COL21A1: variants seen among roughly 807,000 people sequenced by gnomAD.
COL21A1 encodes collagen alpha-1(XXI) chain.
In COL21A1, 149 loss-of-function variants were observed where a neutral mutation model predicts 137.9. That is an observed-to-expected ratio of 1.08 (90% CI 0.95 to 1.24). The LOEUF (loss-of-function observed/expected upper bound fraction) is 1.24. Ranked by LOEUF, COL21A1 falls within the 50% of genes most tolerant of loss-of-function variation. The pLI is 0.00. For synonymous variants in COL21A1, 456 were observed against 391.5 expected, an observed-to-expected ratio of 1.16 and a Z score of -1.95; for missense variants, 1,167 against 1,158.4, an observed-to-expected ratio of 1.01 and a Z score of -0.11.
At chr6:56,178,951 A>G (rs555835312) in intron 3 of COL21A1, among the ~76,000 whole-genome samples, 1 of 152,238 alleles carries the variant, frequency 6.6e-6, no homozygotes, top group East Asian at 1.9e-4. Context: ...TATGTACAAG[A>G]ATATTCATTT....
rs1765458557 is a variant in COL21A1, at chr6:56,057,799, T to C, written c.2732A>G (p.Asp911Gly). 6.3e-7 allele frequency: 1 copy of C among 1,599,150 alleles called. No homozygotes were observed. Among genetic ancestry groups the C allele is most frequent in the African/African-American group, 1.3e-5 (1 of 74,212 alleles). ...TCCATCTTTGCCAGGGAGACCTGGGTCTCCTGGAGGACCTTCTTTGCTTAT... is the reference window on the plus strand; with the variant it reads ...TCCATCTTTGCCAGGGAGACCTGGGCCTCCTGGAGGACCTTCTTTGCTTAT... ...PGISKEGPPG[D>G]PGLPGKDGDH... Residue 911 changes from aspartate to glycine, a missense_variant, in exon 30 of 30, where the codon GAC becomes GGC. Asp to Gly is a moderately conservative substitution (Grantham distance 94, BLOSUM62 -1). Transcript: ENST00000244728.
At chr6:56,344,712 G>A (rs899915731) in intron 1 of COL21A1, among the ~76,000 whole-genome samples, 3 of 150,092 alleles carry the variant, frequency 2.0e-5, no homozygotes, top group Non-Finnish European at 4.5e-5. Context: ...CTGGGTCATG[G>A]GGGCAGATTT....
intron 1 of COL21A1, among the ~76,000 whole-genome samples, chr6:56,257,287 T>C (rs374195707): frequency 9.8e-5 from 15 of 152,310 alleles, no homozygotes; most frequent in African/African-American, 3.6e-4. Context: ...AGGAAAATAT[T>C]TGTAGCTCTC....
chr6:56,356,456 A>G lies in COL21A1; in HGVS notation c.-39+37515T>C, dbSNP rs1221854607. Among the ~76,000 whole-genome samples the G allele has an allele frequency of 3.3e-5, 5 of 152,318 alleles. No homozygotes were observed. In the East Asian group the frequency reaches 7.7e-4, roughly 23 times the overall value. On this transcript the variant is annotated intron_variant, in intron 1 of 28. Transcript: ENST00000370819. ...CTGCCCCCCAAAGAGACAAAAAGATATTACTTCTACCCAATGTCTTCACAT... is the reference window on the plus strand; with the variant it reads ...CTGCCCCCCAAAGAGACAAAAAGATGTTACTTCTACCCAATGTCTTCACAT...
At chr6:56,368,176 A>G (rs1562074563) in intron 1 of COL21A1, among the ~76,000 whole-genome samples, 2 of 152,216 alleles carry the variant, frequency 1.3e-5, no homozygotes, top group African/African-American at 2.4e-5. Context: ...TCAACTAAGC[A>G]GGGGGGTATT....
intron 12 of COL21A1, among the ~76,000 whole-genome samples, chr6:56,132,690 T>G (rs1031997146): frequency 1.3e-5 from 2 of 152,114 alleles, no homozygotes; most frequent in African/African-American, 4.8e-5. Context: ...CCCACCCAAA[T>G]CTCATTTTGA....
chr6:56,195,972 TAACC>T (rs1778993961), intron 1 of COL21A1, among the ~76,000 whole-genome samples: 1 of 152,094 alleles, frequency 6.6e-6, no homozygotes, highest in Non-Finnish European at 1.5e-5. Flanking sequence ...AATTTCTCAA[TAACC>T]TACTAGTAAA....
At chr6:56,156,633 G>A (rs1376878306) in intron 10 of COL21A1, among the ~76,000 whole-genome samples, 2 of 123,390 alleles carry the variant, frequency 1.6e-5, no homozygotes, top group Non-Finnish European at 3.4e-5. Flanking sequence ...GCAAACTGTG[G>A]AATAACTCAA....
chr6:56,373,709 C>T (rs377536153), intron 1 of COL21A1, among the ~76,000 whole-genome samples: 1 of 152,168 alleles, frequency 6.6e-6, no homozygotes, highest in African/African-American at 2.4e-5. Flanking sequence ...TAAATCAAGA[C>T]AATTAACATA....
At chr6:56,116,221 TAATC>T (rs1771904909) in intron 16 of COL21A1, among the ~76,000 whole-genome samples, 1 of 151,798 alleles carries the variant, frequency 6.6e-6, no homozygotes, top group African/African-American at 2.4e-5. Context: ...AGACATTTAA[TAATC>T]AAACTCTACA....
intron 17 of COL21A1, chr6:56,078,243 T>G (rs565292300): frequency 4.6e-5 from 21 of 455,506 alleles, no homozygotes; most frequent in South Asian, 2.8e-4. Flanking sequence ...AAGAATAAAT[T>G]TAGCACATTT....
chr6:56,325,537 A>T (rs868857891), intron 1 of COL21A1, among the ~76,000 whole-genome samples: 11 of 522 alleles, frequency 0.021, no homozygotes, highest in African/African-American at 0.043. Context: ...ATTATATATA[A>T]ATATATAATA....
At chr6:56,339,488 A>G (rs1171139651) in intron 1 of COL21A1, among the ~76,000 whole-genome samples, 1 of 152,186 alleles carries the variant, frequency 6.6e-6, no homozygotes, top group Non-Finnish European at 1.5e-5. Flanking sequence ...AATAGTCTTA[A>G]AAACAAAAGA....
intron 20 of COL21A1, among the ~76,000 whole-genome samples, 164 bp downstream of exon 20, chr6:56,074,068 T>A (rs915910336): frequency 1.3e-5 from 2 of 151,436 alleles, no homozygotes; most frequent in African/African-American, 4.8e-5. Flanking sequence ...GCCTGTTTCT[T>A]AGGCTGAGCC....
intron 1 of COL21A1, among the ~76,000 whole-genome samples, chr6:56,293,865 G>A (rs1764108843): frequency 6.6e-6 from 1 of 152,166 alleles, no homozygotes; most frequent in Non-Finnish European, 1.5e-5. Flanking sequence ...ATTCAGCCAT[G>A]AGAAACTTTT....
Position 56,109,524 on chromosome 6 carries a change from A to T in COL21A1, c.1759-7999T>A, listed in dbSNP as rs574557251. 5.3e-5 allele frequency among the ~76,000 whole-genome samples: 8 copies of T among 152,062 alleles called. No homozygotes were observed. In the East Asian group the frequency reaches 1.4e-3, roughly 26 times the overall value. On this transcript the variant is annotated intron_variant, in intron 16 of 29. Coordinates refer to ENST00000244728, the MANE Select transcript of COL21A1 (RefSeq NM_030820.4). ...TATGAGAGAAAGAATGCTTAAACAG[A>T]CAAATTCCCATGGAAAAAAATAAGA...
rs552068597 is a variant in COL21A1 at position 56,059,392 on chromosome 6, T to C, written c.2609-150A>G. Reference sequence around the variant, plus strand: ...TTTTCTTACTAATGGAAAACAAGTTTTGAAGCAATAATTTCTAAAATGATC... The same window carrying C: ...TTTTCTTACTAATGGAAAACAAGTTCTGAAGCAATAATTTCTAAAATGATC... On this transcript the variant is annotated intron_variant, in intron 28 of 29. Coordinates refer to ENST00000244728, the MANE Select transcript of COL21A1 (RefSeq NM_030820.4). The C allele has an allele frequency of 7.5e-5, 39 of 517,350 alleles. 1 individual carries two copies. The East Asian group carries it at 1.2e-3, about 16-fold the overall frequency. 32.0% of individuals were successfully genotyped at this position (517,350 alleles called of 1,614,324 possible).
intron 1 of COL21A1, among the ~76,000 whole-genome samples, chr6:56,187,744 G>A (rs1259331202): frequency 6.6e-6 from 1 of 152,044 alleles, no homozygotes; most frequent in Non-Finnish European, 1.5e-5. Context: ...AAACATAAGA[G>A]AGTATCTTCA....
At chr6:56,136,914 ATCT>A (rs1453857583) in intron 12 of COL21A1, among the ~76,000 whole-genome samples, 2 of 152,184 alleles carry the variant, frequency 1.3e-5, no homozygotes, top group African/African-American at 4.8e-5. Context: ...GTACTCATTC[ATCT>A]TCTCCCTCCC....
Sources: allele counts gnomAD v4.1 joint callset (sites outside exome capture counted in the v4.1 genomes callset), GRCh38; gene constraint gnomAD v4.1.1; transcripts MANE v1.5; gene names NCBI Gene and HGNC (gene_info 2026-07-23, HGNC 2026-07-21).